The following NOD1 variants were observed in gnomAD, a reference collection of about 807,000 sequenced individuals.
NOD1 encodes the protein nucleotide binding oligomerization domain containing 1.
A neutral mutation model predicts 81.2 loss-of-function variants in NOD1; 70 were observed. The observed-to-expected ratio is 0.86, with a 90% CI of 0.71 to 1.05. The LOEUF (loss-of-function observed/expected upper bound fraction) is 1.05, where lower values mean the gene tolerates loss of function less well. Among genes scored for constraint, NOD1 ranks in the 50% least tolerant of loss-of-function variants. The pLI is 0.00. For synonymous variants in NOD1, 508 were observed against 526.9 expected (o/e 0.96, Z 0.49); for missense variants, 1,233 against 1,228.0 (o/e 1.00, Z -0.06).
chr7:30,458,421 C>T (rs113286694), intron 3 of NOD1, among the ~76,000 whole-genome samples: 6,386 of 152,132 alleles, frequency 0.042, 469 homozygotes, highest in African/African-American at 0.15. Flanking sequence ...GATCTTTTAA[C>T]ACTATCCACA....
intron 9 of NOD1, among the ~76,000 whole-genome samples, chr7:30,445,278 TAAAAAAA>T (rs55875433): frequency 1.9e-4 from 13 of 69,176 alleles, no homozygotes; most frequent in Non-Finnish European, 2.8e-4. Flanking sequence ...AAAAAGAATC[TAAAAAAA>T]AAAAAAAAAA....
chr7:30,437,452 T>C (rs1226006695), intron 10 of NOD1, 121 bp downstream of exon 10: 1 of 552,310 alleles, frequency 1.8e-6, no homozygotes, highest in Non-Finnish European at 3.0e-6. Context: ...TTGACAAGAG[T>C]AAGGAAAATC....
chr7:30,445,072 G>A (rs1784895214), intron 9 of NOD1, among the ~76,000 whole-genome samples: 2 of 50,356 alleles, frequency 4.0e-5, no homozygotes, highest in African/African-American at 1.0e-4. Flanking sequence ...GAGATCACAT[G>A]GACACAGGAA....
Position 30,452,221 on chromosome 7 carries a change from C to T in NOD1, c.1196G>A (p.Arg399Gln), listed in dbSNP as rs141422065. The change falls in exon 6 of 14, where the codon CGG becomes CAG. Residue 399 changes from arginine to glutamine, a missense_variant. By Grantham distance (43) the Arg-to-Gln change is conservative (BLOSUM62 1). Coordinates refer to ENST00000222823, the MANE Select transcript of NOD1 (RefSeq NM_006092.4). ...GGCAGCACGGAAGTGCTGGAAGCAC[C>T]GGAAGATGATCCAGCAGAAGAGGGG... ...SVPLFCWIIF[R>Q]CFQHFRAAFE... The T allele has an allele frequency of 9.6e-4, 1,547 of 1,613,786 alleles. 2 individuals are homozygous for T. The highest frequency in any genetic ancestry group is 1.2e-3 in the Non-Finnish European group (1,410 of 1,179,998).
intron 12 of NOD1, among the ~76,000 whole-genome samples, chr7:30,429,937 C>T (rs1166081018): frequency 6.6e-6 from 1 of 152,182 alleles, no homozygotes; most frequent in South Asian, 2.1e-4. Flanking sequence ...AGGAGAATTG[C>T]TTGAACTGGG....
At chr7:30,446,082 GGC>G in intron 9 of NOD1, 57 bp downstream of exon 9, 1 of 1,334,198 alleles carries the variant, frequency 7.5e-7, no homozygotes, top group Non-Finnish European at 1.1e-6. Context: ...AGAACAGCAA[GGC>G]CCGCCCCCCA....
chr7:30,438,254 CT>C (rs1021834107), intron 9 of NOD1, among the ~76,000 whole-genome samples: 34 of 152,346 alleles, frequency 2.2e-4, no homozygotes, highest in African/African-American at 7.2e-4. Flanking sequence ...ATTCTGTCCC[CT>C]ACAGCAGATC....
rs1376643338 is a variant in NOD1 at position 30,428,666 on chromosome 7, T to TTTTTG, written c.2789+703_2789+707dup. 10 of 151,962 alleles carry TTTTTG rather than the reference T, an allele frequency of 6.6e-5. No individual in the cohort carries two copies. The East Asian group carries it at 1.9e-3, about 29-fold the overall frequency. The allele number at this position is 151,962 out of a possible 1,614,324, so 9.4% of individuals were successfully genotyped here. ...GAGCCTGTGTTGGCCAAGGAGCTGT[T>TTTTTG]TTTTGTTTTTTTTTAATTGGCTATG... On this transcript the variant is annotated intron_variant, in intron 13 of 13. Transcript: ENST00000222823.
chr7:30,427,654 C>A (rs2127984358), intron 13 of NOD1, among the ~76,000 whole-genome samples: 1 of 152,316 alleles, frequency 6.6e-6, no homozygotes, highest in South Asian at 2.1e-4. Context: ...GGCCAGTTCC[C>A]CTCTCCACCC....
Position 30,425,137 on chromosome 7 carries a change from G to C in NOD1, c.*501C>G, listed in dbSNP as rs1783338405. 1 of 160,310 alleles carries C rather than the reference G, an allele frequency of 6.2e-6. No homozygotes were observed. The highest frequency in any genetic ancestry group is 1.4e-5 in the Non-Finnish European group (1 of 72,942). 9.9% of individuals were successfully genotyped at this position (160,310 alleles called of 1,614,324 possible). A position where few individuals can be genotyped will look rare whatever the true frequency, so the allele number is the denominator to read the frequency against. ...GAAGTGGGACCAGTATCAATACATG[G>C]GAAAGTGCTGAGAAGGAAGAAAATA... On this transcript the variant is annotated 3_prime_UTR_variant, in exon 14 of 14. Coordinates refer to ENST00000222823, the MANE Select transcript of NOD1 (RefSeq NM_006092.4).
At chr7:30,447,969 C>T in intron 7 of NOD1, 1 of 257,498 alleles carries the variant, frequency 3.9e-6, no homozygotes, top group Non-Finnish European at 7.5e-6. Context: ...GATTATGGAC[C>T]CAAAATAGTC....
chr7:30,460,472 T>C lies in NOD1; in HGVS notation c.-351-431A>G, dbSNP rs1485400924. ...CTGGGTCTGCTCTCCTGGGTGGAGC[T>C]TTCCCAGGCCAGTGGTGCAGACCAA... On this transcript the variant is annotated intron_variant, in intron 1 of 13. Coordinates refer to ENST00000222823, the MANE Select transcript of NOD1 (RefSeq NM_006092.4). 4.1e-6 allele frequency: 4 copies of C among 985,360 alleles called. No homozygotes were observed. The African/African-American group carries it at 7.0e-5, about 17-fold the overall frequency. The allele number at this position is 985,360 out of a possible 1,614,324, so 61.0% of individuals were successfully genotyped here.
At chr7:30,439,616 A>G (rs553980146) in intron 9 of NOD1, among the ~76,000 whole-genome samples, 495 of 83,178 alleles carry the variant, frequency 6.0e-3, no homozygotes, top group Middle Eastern at 9.5e-3. Flanking sequence ...CGCCCACGGA[A>G]TCTCGCTGAT....
At chr7:30,460,513 G>A (rs1373215468) in intron 1 of NOD1, 1 of 985,308 alleles carries the variant, frequency 1.0e-6, no homozygotes, top group Non-Finnish European at 1.2e-6. Flanking sequence ...ACTGAAGTTG[G>A]AGATCCTGGT....
chr7:30,467,793 ATAGGT>A lies in NOD1; in HGVS notation c.-351-7757_-351-7753del, dbSNP rs1232393689. ...CTTGGCTCACTGCAACCTCCGCCTC[ATAGGT>A]TCAAGTGATTCTCCTGCCTCAGCCT... On this transcript the variant is annotated intron_variant, in intron 1 of 13. Transcript: ENST00000222823. The surrounding 1 kb of genome is among the most constrained non-coding windows in gnomAD (Gnocchi z 4.5). 1.3e-5 allele frequency among the ~76,000 whole-genome samples: 2 copies of A among 152,042 alleles called. No individual in the cohort carries two copies.
intron 1 of NOD1, among the ~76,000 whole-genome samples, chr7:30,471,999 T>C (rs1788324708): frequency 6.6e-6 from 1 of 152,206 alleles, no homozygotes; most frequent in Non-Finnish European, 1.5e-5. Flanking sequence ...CATCTGGAGA[T>C]TGAAAACTAG....
At chr7:30,472,414 G>T (rs4722988) in intron 1 of NOD1, among the ~76,000 whole-genome samples, 5 of 152,054 alleles carry the variant, frequency 3.3e-5, no homozygotes, top group Non-Finnish European at 5.9e-5. Context: ...CTTGAGAGGC[G>T]TCCCCAGACT....
intron 1 of NOD1, among the ~76,000 whole-genome samples, chr7:30,477,350 G>A (rs1252642864): frequency 6.6e-6 from 1 of 152,184 alleles, no homozygotes; most frequent in East Asian, 1.9e-4. Context: ...TGGCATCTAA[G>A]CCTGGGTGAG....
chr7:30,438,391 A>G (rs1318203510), intron 9 of NOD1, among the ~76,000 whole-genome samples: 2 of 152,218 alleles, frequency 1.3e-5, no homozygotes, highest in African/African-American at 2.4e-5. Flanking sequence ...TGCCCCATCT[A>G]TAAAATGGGG....
Sources: allele counts gnomAD v4.1 joint callset (sites outside exome capture counted in the v4.1 genomes callset), GRCh38; gene constraint gnomAD v4.1.1; non-coding constraint Gnocchi (gnomAD v3.1); transcripts MANE v1.5; gene names NCBI Gene and HGNC (gene_info 2026-07-23, HGNC 2026-07-21).